Variants in LRPAP1 observed in about 807,000 individuals in gnomAD.
LRPAP1 encodes LDL receptor related protein associated protein 1.
A neutral mutation model predicts 39.9 loss-of-function variants in LRPAP1; 41 were observed. That is an observed-to-expected ratio of 1.03 (90% CI 0.80 to 1.33). The LOEUF (loss-of-function observed/expected upper bound fraction) is 1.33. Among genes scored for constraint, LRPAP1 ranks in the 40% most tolerant of loss-of-function variants. The probability of loss-of-function intolerance (pLI) is 0.00; values close to 1 mark genes in which losing one functional copy is unlikely to be tolerated. For missense variants in LRPAP1, 565 were observed against 482.3 expected (o/e 1.17, Z -1.61); for synonymous variants, 263 against 212.7 (o/e 1.24, Z -2.06).
At chr4:3,526,128 C>T (rs1428727131) in intron 1 of LRPAP1, among the ~76,000 whole-genome samples, 2 of 152,218 alleles carry the variant, frequency 1.3e-5, no homozygotes, top group East Asian at 1.9e-4. Flanking sequence ...CCTGTAGTGA[C>T]GCCAGCGCAT....
rs1729469305 is a variant in LRPAP1, at chr4:3,510,287, A to C, written c.*2687T>G. 6.6e-6 allele frequency: 1 copy of C among 152,214 alleles called. No individual in the cohort carries two copies. The highest frequency in any genetic ancestry group is 1.5e-5 in the Non-Finnish European group (1 of 68,038). The allele number at this position is 152,214 out of a possible 1,614,324, so 9.4% of individuals were successfully genotyped here. On this transcript the variant is annotated 3_prime_UTR_variant, in exon 8 of 8. Transcript: ENST00000650182. ...CTACAAAAAAAATAAAAATAAAAAA[A>C]ATAAAATCAGCCGGGTGTGGTGACA...
At chr4:3,517,129 AG>A (rs1228079091) in intron 5 of LRPAP1, among the ~76,000 whole-genome samples, 1 of 152,094 alleles carries the variant, frequency 6.6e-6, no homozygotes. Flanking sequence ...GACAGTCACC[AG>A]CACCAGGTCA....
At chr4:3,526,447 T>C (rs1202125120) in intron 1 of LRPAP1, among the ~76,000 whole-genome samples, 1 of 152,242 alleles carries the variant, frequency 6.6e-6, no homozygotes, top group Non-Finnish European at 1.5e-5. Flanking sequence ...CTAACATAAA[T>C]ACAACACAAG....
At chr4:3,516,973 G>A (rs1327537310) in intron 5 of LRPAP1, among the ~76,000 whole-genome samples, 1 of 152,266 alleles carries the variant, frequency 6.6e-6, no homozygotes, top group African/African-American at 2.4e-5. Flanking sequence ...GAGGTGGGAA[G>A]AGAAGTGTGT....
At chr4:3,518,841 A>T in intron 4 of LRPAP1, 30 bp downstream of exon 4, 5 of 915,612 alleles carry the variant, frequency 5.5e-6, no homozygotes, top group Non-Finnish European at 6.8e-6. Context: ...GGTGGGGCAG[A>T]GGGCAGGAGG....
chr4:3,516,814 C>T (rs1003659233), intron 5 of LRPAP1, among the ~76,000 whole-genome samples: 3 of 152,306 alleles, frequency 2.0e-5, no homozygotes, highest in East Asian at 1.9e-4. Flanking sequence ...CATGGAGCCC[C>T]GCAACAGTGG....
chr4:3,526,537 G>T (rs1000619086), intron 1 of LRPAP1, among the ~76,000 whole-genome samples: 4 of 152,146 alleles, frequency 2.6e-5, no homozygotes, highest in South Asian at 2.1e-4. Flanking sequence ...GTCAAGAGCC[G>T]GCTGCCTTCC....
intron 7 of LRPAP1, among the ~76,000 whole-genome samples, chr4:3,514,458 G>C (rs1309224237): frequency 5.3e-5 from 8 of 152,212 alleles, no homozygotes; most frequent in Non-Finnish European, 1.0e-4. Context: ...CTGGCTGTGG[G>C]TATCCAGGTC....
chr4:3,527,564 G>C (rs1170602566), intron 1 of LRPAP1, among the ~76,000 whole-genome samples: 1 of 152,272 alleles, frequency 6.6e-6, no homozygotes, highest in Non-Finnish European at 1.5e-5. Context: ...CTGCCCGGGA[G>C]GGTCTGAGAT....
intron 4 of LRPAP1, 101 bp downstream of exon 4, chr4:3,518,769 AG>A (rs1315796042): frequency 1.4e-6 from 1 of 733,742 alleles, no homozygotes; most frequent in African/African-American, 1.9e-5. Context: ...TCCTGAGGGG[AG>A]CTGAGGCTGC....
At chr4:3,521,497 G>A (rs1729907862) in intron 2 of LRPAP1, among the ~76,000 whole-genome samples, 1 of 152,150 alleles carries the variant, frequency 6.6e-6, no homozygotes, top group Non-Finnish European at 1.5e-5. Context: ...GTCACTGCCA[G>A]CCCTGGGGAG....
chr4:3,515,795 G>C, intron 6 of LRPAP1: 1 of 407,872 alleles, frequency 2.5e-6, no homozygotes, highest in Non-Finnish European at 4.5e-6. Context: ...TAGTGTCCTT[G>C]GTCCCCTCCC....
chr4:3,529,735 C>T (rs531063192), intron 1 of LRPAP1, among the ~76,000 whole-genome samples: 72 of 152,318 alleles, frequency 4.7e-4, no homozygotes, highest in Non-Finnish European at 9.4e-4. Flanking sequence ...ATCTTCTTGG[C>T]GGCAACCTCA....
chr4:3,515,079 C>A (rs1375387847), intron 6 of LRPAP1, 151 bp from the exon 7 acceptor site: 3 of 834,920 alleles, frequency 3.6e-6, no homozygotes, highest in Non-Finnish European at 5.7e-6. Context: ...GGGGCGGCAG[C>A]TGGGAGGCCA....
At chr4:3,523,889 C>T (rs1729998244) in intron 2 of LRPAP1, among the ~76,000 whole-genome samples, 2 of 152,120 alleles carry the variant, frequency 1.3e-5, no homozygotes, top group Admixed American at 1.3e-4. Flanking sequence ...TGGTTCACAC[C>T]ACCGTCCTGT....
chr4:3,515,049 G>A (rs1729652069), intron 6 of LRPAP1, 121 bp from the exon 7 acceptor site: 1 of 1,109,242 alleles, frequency 9.0e-7, no homozygotes, highest in Non-Finnish European at 1.3e-6. Flanking sequence ...GACAGGCCTT[G>A]CGGTGACATG....
chr4:3,526,134 C>T (rs889857543), intron 1 of LRPAP1, among the ~76,000 whole-genome samples: 6 of 152,220 alleles, frequency 3.9e-5, no homozygotes, highest in Non-Finnish European at 5.9e-5. Context: ...GTGACGCCAG[C>T]GCATTAAAGC....
At chr4:3,516,780 G>C (rs34327156) in intron 5 of LRPAP1, among the ~76,000 whole-genome samples, 19,063 of 152,218 alleles carry the variant, frequency 0.13, 1,294 homozygotes, top group Middle Eastern at 0.15. Flanking sequence ...CCAACCAGGA[G>C]TGAGTAGTCC....
chr4:3,514,967 T>G, intron 6 of LRPAP1, 39 bp from the exon 7 acceptor site: 2 of 1,599,682 alleles, frequency 1.3e-6, no homozygotes, highest in Non-Finnish European at 1.7e-6. Context: ...TCCCTTCCCG[T>G]GCTCGCCACG....
Sources: allele counts gnomAD v4.1 joint callset (sites outside exome capture counted in the v4.1 genomes callset), GRCh38; gene constraint gnomAD v4.1.1; transcripts MANE v1.5; gene names NCBI Gene and HGNC (gene_info 2026-07-23, HGNC 2026-07-21).